KDM7A: variants seen among roughly 807,000 people sequenced by gnomAD.
KDM7A encodes lysine demethylase 7A.
KDM7A carries 28 observed loss-of-function variants against 114.8 expected under a neutral mutation model. The ratio of observed to expected loss-of-function variants is 0.24; its 90% CI spans 0.18 to 0.33. The LOEUF (loss-of-function observed/expected upper bound fraction) is 0.33, where lower values mean the gene tolerates loss of function less well. Among genes scored for constraint, KDM7A ranks in the 10% least tolerant of loss-of-function variants. The pLI, the probability that KDM7A is intolerant of heterozygous loss-of-function variation, is 1.00. For missense variants in KDM7A, 942 were observed against 1,142.5 expected (o/e 0.82, Z 2.53); for synonymous variants, 423 against 397.8 (o/e 1.06, Z -0.75).
At chr7:140,099,804 C>A in intron 13 of KDM7A, 95 bp downstream of exon 13, 1 of 1,185,908 alleles carries the variant, frequency 8.4e-7, no homozygotes. Context: ...AAAACCGGTC[C>A]CTGGTGCCAG....
intron 1 of KDM7A, 70 bp from the exon 2 acceptor site, chr7:140,139,260 T>C (rs1188046348): frequency 9.6e-7 from 1 of 1,039,338 alleles, no homozygotes; most frequent in Non-Finnish European, 1.5e-6. Flanking sequence ...AATACAGTGG[T>C]TGGAATTTAG....
chr7:140,119,238 ATTT>A lies in KDM7A; in HGVS notation c.1140-22_1140-20del, dbSNP rs1451730036. On this transcript the variant is annotated intron_variant, in intron 8 of 19. Transcript: ENST00000397560. ...ATAACACCTAAATGAGTTTGAAGAAATTTTTAATATTAATATTAGAATTTCAAA... is the reference window on the plus strand; with the variant it reads ...ATAACACCTAAATGAGTTTGAAGAAATTAATATTAATATTAGAATTTCAAA... 1 of 1,326,452 alleles carries A rather than the reference ATTT, an allele frequency of 7.5e-7. No individual in the cohort carries two copies. The allele number at this position is 1,326,452 out of a possible 1,614,324, so 82.2% of individuals were successfully genotyped here. A position where few individuals can be genotyped will look rare whatever the true frequency, so the allele number is the denominator to read the frequency against.
At chr7:140,146,130 C>T (rs1210224621) in intron 1 of KDM7A, among the ~76,000 whole-genome samples, 1 of 152,014 alleles carries the variant, frequency 6.6e-6, no homozygotes, top group Non-Finnish European at 1.5e-5. Context: ...TGAAATTCAA[C>T]ACAACACAAC....
chr7:140,094,333 C>T (rs1385136233), intron 17 of KDM7A, among the ~76,000 whole-genome samples, 195 bp from the exon 18 acceptor site: 10 of 152,112 alleles, frequency 6.6e-5, no homozygotes, highest in African/African-American at 1.9e-4. Context: ...GGTGAAACCC[C>T]GTCTCTATTA....
Position 140,133,654 on chromosome 7 carries a change from T to C in KDM7A, c.283A>G (p.Lys95Glu), listed in dbSNP as rs75496499. 10 of 1,565,444 alleles carry C rather than the reference T, an allele frequency of 6.4e-6. No individual in the cohort carries two copies. Among genetic ancestry groups the C allele is most frequent in the Non-Finnish European group, 7.9e-6 (9 of 1,142,346 alleles). Residue 95 changes from lysine (K) to glutamate (E), a missense_variant and splice_region_variant, in exon 3 of 20, where the codon AAA (lysine) becomes GAA (glutamate). By Grantham distance (56) the Lys-to-Glu change is moderately conservative. Around this residue, in one of 4 missense-constraint regions of KDM7A, gnomAD observed 318 missense variants for 453.1 expected, o/e 0.70. Coordinates refer to ENST00000397560, the MANE Select transcript of KDM7A (RefSeq NM_030647.2). ...CAVLHGSSLMKKRRNWHRHDY... is the reference protein window; with the variant it reads ...CAVLHGSSLMEKRRNWHRHDY... Reference sequence around the variant, plus strand: ...TGTCTGTGCCAGTTCCTCCTTTTTTTCACTGGATTTTTAAAAGATTAAAAA... The same window carrying C: ...TGTCTGTGCCAGTTCCTCCTTTTTTCCACTGGATTTTTAAAAGATTAAAAA...
chr7:140,119,539 G>A (rs1027948797), intron 8 of KDM7A, among the ~76,000 whole-genome samples: 5 of 152,292 alleles, frequency 3.3e-5, no homozygotes, highest in Middle Eastern at 3.4e-3. Context: ...GTGTGTTTCA[G>A]AAAACACCTC....
chr7:140,114,054 TA>T (rs1404335212), intron 9 of KDM7A, among the ~76,000 whole-genome samples: 2 of 152,186 alleles, frequency 1.3e-5, no homozygotes, highest in East Asian at 3.8e-4. Flanking sequence ...AAAGGGGGTG[TA>T]ACTGTCACTA....
intron 2 of KDM7A, among the ~76,000 whole-genome samples, chr7:140,137,256 A>G (rs1302240557): frequency 6.6e-6 from 1 of 152,200 alleles, no homozygotes; most frequent in Non-Finnish European, 1.5e-5. Flanking sequence ...ATAATTACTC[A>G]AAGTTAAGTC....
intron 7 of KDM7A, among the ~76,000 whole-genome samples, chr7:140,122,140 C>A (rs1473190525): frequency 6.6e-6 from 1 of 152,220 alleles, no homozygotes; most frequent in African/African-American, 2.4e-5. Context: ...TACACCAGTG[C>A]TACTGATAGA....
chr7:140,123,145 T>C (rs1818642103), intron 7 of KDM7A, among the ~76,000 whole-genome samples: 1 of 152,176 alleles, frequency 6.6e-6, no homozygotes, highest in Non-Finnish European at 1.5e-5. Flanking sequence ...ATCCAAATCA[T>C]GACACATCAC....
chr7:140,091,161 G>A lies in KDM7A; in HGVS notation c.2759C>T (p.Thr920Ile). The change falls in exon 20 of 20, where the codon ACA (threonine) becomes ATA (isoleucine). Residue 920 changes from threonine to isoleucine, a missense_variant. Around this residue, in one of 4 missense-constraint regions of KDM7A, gnomAD observed 512 missense variants for 576.6 expected, o/e 0.89. Transcript: ENST00000397560. Reference sequence around the variant, plus strand: ...GATCTTCCCAAGACGTTGTTTGGCTGTTGCCATTCCTTTTTTTGGACGTTT... The same window carrying A: ...GATCTTCCCAAGACGTTGTTTGGCTATTGCCATTCCTTTTTTTGGACGTTT... Reference protein sequence around the residue: ...KGKRPKKGMATAKQRLGKILK... With the variant: ...KGKRPKKGMAIAKQRLGKILK... 6.2e-7 allele frequency: 1 copy of A among 1,613,940 alleles called. No homozygotes were observed. The highest frequency in any genetic ancestry group is 1.3e-5 in the African/African-American group (1 of 75,046).
At chr7:140,149,426 A>C (rs899395655) in intron 1 of KDM7A, among the ~76,000 whole-genome samples, 21 of 152,224 alleles carry the variant, frequency 1.4e-4, no homozygotes, top group African/African-American at 4.6e-4. Context: ...AGCACAAATC[A>C]TTATTTCATG....
chr7:140,131,022 TTTTTTG>T (rs3085216), intron 3 of KDM7A, among the ~76,000 whole-genome samples: 50,605 of 150,178 alleles, frequency 0.34, 8,708 homozygotes, highest in Middle Eastern at 0.43. Context: ...CCTGGCTAAT[TTTTTTG>T]TTTTTGTTTT....
At chr7:140,126,901 C>A in intron 5 of KDM7A, 78 bp from the exon 6 acceptor site, 1 of 1,040,746 alleles carries the variant, frequency 9.6e-7, no homozygotes, top group South Asian at 1.6e-5. Context: ...CTCATCTATT[C>A]CCAAACCAAA....
At chr7:140,142,935 C>T (rs1794300764) in intron 1 of KDM7A, among the ~76,000 whole-genome samples, 1 of 151,842 alleles carries the variant, frequency 6.6e-6, no homozygotes, top group African/African-American at 2.4e-5. Context: ...TGAATGAAAT[C>T]TACAAGTTAA....
At chr7:140,167,168 A>G (rs902723672) in intron 1 of KDM7A, among the ~76,000 whole-genome samples, 1 of 152,226 alleles carries the variant, frequency 6.6e-6, no homozygotes, top group African/African-American at 2.4e-5. Context: ...TATTATTAAC[A>G]TATCAGCTCT....
At chr7:140,175,022 G>C (rs1794686542) in intron 1 of KDM7A, among the ~76,000 whole-genome samples, 1 of 152,146 alleles carries the variant, frequency 6.6e-6, no homozygotes, top group African/African-American at 2.4e-5. Flanking sequence ...ATTCTATATA[G>C]AACCTAAATG....
chr7:140,096,478 C>T (rs1333344389), intron 17 of KDM7A, 77 bp downstream of exon 17: 1 of 1,145,046 alleles, frequency 8.7e-7, no homozygotes, highest in Non-Finnish European at 1.3e-6. Context: ...TAATCTCTAA[C>T]CTAAATGAGG....
At chr7:140,122,374 C>T (rs572325170) in intron 7 of KDM7A, among the ~76,000 whole-genome samples, 1 of 151,934 alleles carries the variant, frequency 6.6e-6, no homozygotes, top group African/African-American at 2.4e-5. Context: ...TCATAAATGT[C>T]AATTTATGAT....
Sources: gnomAD v4.1 joint callset for allele counts (sites outside exome capture counted in the v4.1 genomes callset) on GRCh38, gnomAD v4.1.1 for gene constraint, gnomAD v4.1.1 regional missense constraint, MANE v1.5 for transcripts, NCBI Gene and HGNC (gene_info 2026-07-23, HGNC 2026-07-21) for gene names.